The following GALNT16 variants were observed in gnomAD, a reference collection of about 807,000 sequenced individuals.
GALNT16 encodes polypeptide N-acetylgalactosaminyltransferase 16.
In GALNT16, 40 loss-of-function variants were observed where a neutral mutation model predicts 76.1. The observed-to-expected ratio is 0.53, with a 90% CI of 0.41 to 0.68. The LOEUF is 0.68. GALNT16 is among the 30% of genes least tolerant of loss of function. The pLI, the probability that GALNT16 is intolerant of heterozygous loss-of-function variation, is 0.00. For synonymous variants in GALNT16, 276 were observed against 285.2 expected, an observed-to-expected ratio of 0.97 and a Z score of 0.32; for missense variants, 621 against 731.9, an observed-to-expected ratio of 0.85 and a Z score of 1.75.
At chr14:69,350,780 C>T (rs2045625646) in intron 14 of GALNT16, 1 of 152,300 alleles carries the variant, frequency 6.6e-6, no homozygotes, top group Admixed American at 6.5e-5. Context: ...TGCCTCTAAT[C>T]GAAGACACGG....
At chr14:69,329,085 C>T (rs1055116079) in intron 6 of GALNT16, among the ~76,000 whole-genome samples, 8 of 152,138 alleles carry the variant, frequency 5.3e-5, no homozygotes, top group Admixed American at 6.5e-5. Context: ...GGGCCTGGAG[C>T]GGTGGCTCAC....
At chr14:69,379,383 A>C in the GALNT16 span, among the ~76,000 whole-genome samples, 1 of 152,242 alleles carries the variant, frequency 6.6e-6, no homozygotes, top group Admixed American at 6.5e-5. Flanking sequence ...AGAAAAACTG[A>C]GCACATATGA....
At chr14:69,377,992 C>T in the GALNT16 span, among the ~76,000 whole-genome samples, 1 of 152,096 alleles carries the variant, frequency 6.6e-6, no homozygotes, top group Non-Finnish European at 1.5e-5. Flanking sequence ...GAGAAAACTA[C>T]CCTGTCCTCT....
At chr14:69,366,982 G>A in the GALNT16 span, among the ~76,000 whole-genome samples, 6 of 152,152 alleles carry the variant, frequency 3.9e-5, no homozygotes, top group African/African-American at 9.7e-5. Flanking sequence ...AGGTGGTGAC[G>A]CCTGAATGGA....
intron 5 of GALNT16, among the ~76,000 whole-genome samples, chr14:69,327,294 GTTGCAGTGAGCCAAGA>G (rs1260655652): frequency 1.3e-5 from 2 of 152,148 alleles, no homozygotes; most frequent in Non-Finnish European, 2.9e-5. Context: ...GGAGGCAGAG[GTTGCAGTGAGCCAAGA>G]TTGCGCCACT....
rs907114663 is a variant in GALNT16 at position 69,353,591 on chromosome 14, C to T, written c.*1423C>T. 1 of 152,200 alleles carries T rather than the reference C, an allele frequency of 6.6e-6. No homozygotes were observed. Among genetic ancestry groups the T allele is most frequent in the East Asian group, 1.9e-4 (1 of 5,188 alleles). The allele number at this position is 152,200 out of a possible 1,614,324, so 9.4% of individuals were successfully genotyped here. A position where few individuals can be genotyped will look rare whatever the true frequency, so the allele number is the denominator to read the frequency against. On this transcript the variant is annotated 3_prime_UTR_variant, in exon 15 of 15. Coordinates refer to ENST00000448469, the MANE Select transcript of GALNT16 (RefSeq NM_001168368.2). ...GCAGACCAGCCTGGGGCAGATATAC[C>T]TACCACAGGAGCCCCCTGTCTTTCA...
chr14:69,285,040 C>CGTTTT (rs35894482), intron 1 of GALNT16, among the ~76,000 whole-genome samples: 2 of 127,484 alleles, frequency 1.6e-5, no homozygotes, highest in African/African-American at 5.9e-5. Flanking sequence ...CTCGGGCACT[C>CGTTTT]TTTTTTTTTT....
intron 1 of GALNT16, among the ~76,000 whole-genome samples, chr14:69,318,417 T>A (rs962945760): frequency 1.3e-5 from 2 of 152,200 alleles, no homozygotes; most frequent in African/African-American, 4.8e-5. Context: ...CAGGGGGAAC[T>A]ATCTCAGAAA....
chr14:69,285,382 T>C (rs2044597915), intron 1 of GALNT16, among the ~76,000 whole-genome samples: 1 of 152,090 alleles, frequency 6.6e-6, no homozygotes, highest in South Asian at 2.1e-4. Flanking sequence ...TAAAAGTGCC[T>C]GCTGTGGGAA....
chr14:69,259,793 C>CG (rs909819939), upstream of GALNT16: 1 of 157,434 alleles, frequency 6.4e-6, no homozygotes, highest in African/African-American at 2.4e-5. Context: ...CCGCTCGGTC[C>CG]GGGGGTGGGT....
downstream of GALNT16, chr14:69,356,104 AGGAG>A (rs2045690794): frequency 6.6e-6 from 1 of 152,290 alleles, no homozygotes; most frequent in African/African-American, 2.4e-5. Flanking sequence ...CTCCTCCAGA[AGGAG>A]GGGGCAACCC....
At chr14:69,376,149 G>C in the GALNT16 span, among the ~76,000 whole-genome samples, 1 of 152,118 alleles carries the variant, frequency 6.6e-6, no homozygotes, top group Admixed American at 6.6e-5. Flanking sequence ...TGATCCTCCT[G>C]CCTTGGCCTC....
chr14:69,289,593 G>C (rs748415144), intron 1 of GALNT16, among the ~76,000 whole-genome samples: 15 of 152,178 alleles, frequency 9.9e-5, no homozygotes, highest in South Asian at 2.1e-4. Context: ...TGGCTTCCAT[G>C]GTGGTGATAG....
intron 5 of GALNT16, among the ~76,000 whole-genome samples, chr14:69,326,411 C>T (rs1244589625): frequency 1.3e-5 from 2 of 152,188 alleles, no homozygotes; most frequent in Non-Finnish European, 2.9e-5. Context: ...GCTACTACAG[C>T]GTGGCATTGT....
At chr14:69,328,262 T>G (rs2045309986) in intron 5 of GALNT16, among the ~76,000 whole-genome samples, 188 bp from the exon 6 acceptor site, 1 of 151,610 alleles carries the variant, frequency 6.6e-6, no homozygotes, top group Non-Finnish European at 1.5e-5. Flanking sequence ...GTGATGGTGG[T>G]TGATGGGTGG....
At chr14:69,326,798 T>C (rs59864445) in intron 5 of GALNT16, among the ~76,000 whole-genome samples, 4,035 of 152,314 alleles carry the variant, frequency 0.026, 174 homozygotes, top group African/African-American at 0.092. Context: ...CCACTGTGCC[T>C]GTTGTACAGA....
At chr14:69,342,732 G>A (rs1253027746) in intron 12 of GALNT16, among the ~76,000 whole-genome samples, 1 of 152,186 alleles carries the variant, frequency 6.6e-6, no homozygotes, top group African/African-American at 2.4e-5. Context: ...CTGGGAATAT[G>A]TGTGCGTTCT....
At chr14:69,365,890 A>G in the GALNT16 span, among the ~76,000 whole-genome samples, 2 of 152,236 alleles carry the variant, frequency 1.3e-5, no homozygotes, top group Admixed American at 1.3e-4. Context: ...GCAGTAGACA[A>G]CATACGTAAG....
At chr14:69,332,283 A>G (rs951250950) in intron 7 of GALNT16, among the ~76,000 whole-genome samples, 32 of 152,324 alleles carry the variant, frequency 2.1e-4, no homozygotes, top group African/African-American at 7.5e-4. Flanking sequence ...GCCTTGCATT[A>G]TATTTCTTTT....
Sources: allele counts gnomAD v4.1 joint callset (sites outside exome capture counted in the v4.1 genomes callset), GRCh38; gene constraint gnomAD v4.1.1; transcripts MANE v1.5; gene names NCBI Gene and HGNC (gene_info 2026-07-23, HGNC 2026-07-21).